Variants in RCN3 observed in about 807,000 individuals in gnomAD.
The protein encoded by RCN3 is reticulocalbin-3.
Under a neutral mutation model 35.9 loss-of-function variants are expected in RCN3, and 41 were observed. The ratio of observed to expected loss-of-function variants is 1.14; its 90% CI spans 0.89 to 1.48. The LOEUF (loss-of-function observed/expected upper bound fraction) is 1.48, where lower values mean the gene tolerates loss of function less well. RCN3 is among the 40% of genes most tolerant of loss of function. The pLI is 0.00. For missense variants in RCN3, 451 were observed against 471.3 expected (o/e 0.96, Z 0.40); for synonymous variants, 187 against 193.4 (o/e 0.97, Z 0.27).
chr19:49,542,795 ATTGC>A (rs370947088), intron 6 of RCN3, 43 bp downstream of exon 6: 2 of 1,520,378 alleles, frequency 1.3e-6, no homozygotes, highest in African/African-American at 2.7e-5. Context: ...GCGGGTGGGC[ATTGC>A]GGGCCAGACT....
chr19:49,534,055 C>G, intron 2 of RCN3, 138 bp from the exon 3 acceptor site: 1 of 881,002 alleles, frequency 1.1e-6, no homozygotes, highest in South Asian at 2.0e-5. Flanking sequence ...TTGACCCGCG[C>G]CCCTCCCCAG....
At chr19:49,531,473 T>C (rs1475899909) in intron 2 of RCN3, among the ~76,000 whole-genome samples, 4 of 152,128 alleles carry the variant, frequency 2.6e-5, no homozygotes, top group Non-Finnish European at 4.4e-5. Flanking sequence ...TTTTCTCCAA[T>C]TGAGAGTAGA....
chr19:49,533,819 G>T (rs1428762390), intron 2 of RCN3, among the ~76,000 whole-genome samples: 2 of 152,190 alleles, frequency 1.3e-5, no homozygotes, highest in African/African-American at 4.8e-5. Flanking sequence ...AAGGGTCACA[G>T]TGCGACGCCG....
At chr19:49,542,003 C>T (rs1014503255) in intron 5 of RCN3, among the ~76,000 whole-genome samples, 3 of 149,980 alleles carry the variant, frequency 2.0e-5, no homozygotes, top group Non-Finnish European at 4.4e-5. Flanking sequence ...GGGGTGGGGT[C>T]TTGCCCTGTT....
rs928149362 is a variant in RCN3, at chr19:49,534,399, C to T, written c.445+4C>T. ...ACCTATGGCCACTACGCGCCCGGTA[C>T]GCGGCGAGCCCCCGACCCTGCTCCC... On this transcript the variant is annotated splice_donor_region_variant and intron_variant, in intron 3 of 6. Transcript: ENST00000270645. The T allele has an allele frequency of 3.3e-6, 5 of 1,536,764 alleles. No individual in the cohort carries two copies. Among genetic ancestry groups the T allele is most frequent in the East Asian group, 2.5e-5 (1 of 40,102 alleles).
rs1568713628 is a variant in RCN3, at chr19:49,543,218, CGCGCACCT to C, written c.*8_*15del. The stretch of plus-strand genomic sequence containing the variant: ...CGGCACCACGATGAGCTGTGAGCAC[CGCGCACCT>C]GCCACAGCCTCAGAGGCCCGCACAA... On this transcript the variant is annotated 3_prime_UTR_variant, in exon 7 of 7. Transcript: ENST00000270645. 2 of 1,598,332 alleles carry C rather than the reference CGCGCACCT, an allele frequency of 1.3e-6. No homozygotes were observed.
intron 5 of RCN3, among the ~76,000 whole-genome samples, chr19:49,540,643 G>T (rs1273209486): frequency 1.3e-5 from 2 of 151,674 alleles, no homozygotes; most frequent in Non-Finnish European, 2.9e-5. Flanking sequence ...AAAAGATGGG[G>T]TCTTGCCCTG....
rs3187346 is a variant in RCN3 at position 49,543,108 on chromosome 19, T to C, written c.882T>C (p.Asp294=). The change falls in exon 7 of 7, where the codon GAT becomes GAC. Residue 294 remains aspartate, a splice_region_variant and synonymous_variant. Coordinates refer to ENST00000270645, the MANE Select transcript of RCN3 (RefSeq NM_020650.3). ...HLLHESDTDK[D]GRLSKAEILG... is the part of the protein sequence containing the mutation. ...CTGAACCCTGACCCTCCCTCCAGGATGGGCGGCTGAGCAAAGCGGAAATCC... is the reference window on the plus strand; with the variant it reads ...CTGAACCCTGACCCTCCCTCCAGGACGGGCGGCTGAGCAAAGCGGAAATCC... The C allele has an allele frequency of 0.08, 128,464 of 1,613,238 alleles. 6,092 individuals carry two copies. The highest frequency in any genetic ancestry group is 0.18 in the African/African-American group (13,727 of 74,906).
intron 3 of RCN3, 137 bp downstream of exon 3, chr19:49,534,532 A>G (rs1332678058): frequency 2.6e-6 from 2 of 780,328 alleles, no homozygotes; most frequent in Middle Eastern, 3.8e-4. Flanking sequence ...TTAGGAGCCC[A>G]TAACTGTGAG....
chr19:49,534,244 G>A lies in RCN3; in HGVS notation c.294G>A (p.Ser98=). 2 of 1,471,660 alleles carry A rather than the reference G, an allele frequency of 1.4e-6. No homozygotes were observed. Among genetic ancestry groups the A allele is most frequent in the African/African-American group, 1.5e-5 (1 of 68,114 alleles). 91.2% of individuals were successfully genotyped at this position (1,471,660 alleles called of 1,614,324 possible). A position where few individuals can be genotyped will look rare whatever the true frequency, so the allele number is the denominator to read the frequency against. Reference sequence around the variant, plus strand: ...CGGGGGACGGCGACGGCTGGGTGTCGCTGGCCGAGCTTCGCGCGTGGATCG... The same window carrying A: ...CGGGGGACGGCGACGGCTGGGTGTCACTGGCCGAGCTTCGCGCGTGGATCG... The part of the protein sequence containing the change: ...DRAGDGDGWV[S]LAELRAWIAH... Residue 98 remains serine (S), a synonymous_variant, in exon 3 of 7, where the codon TCG becomes TCA. Transcript: ENST00000270645.
At chr19:49,541,212 G>A (rs545584963) in intron 5 of RCN3, among the ~76,000 whole-genome samples, 62 of 151,886 alleles carry the variant, frequency 4.1e-4, no homozygotes, top group Non-Finnish European at 6.8e-4. Flanking sequence ...TTACAGGCGC[G>A]AACCACCGCA....
intron 2 of RCN3, among the ~76,000 whole-genome samples, chr19:49,530,887 C>T (rs2080105645): frequency 6.6e-6 from 1 of 152,280 alleles, no homozygotes; most frequent in South Asian, 2.1e-4. Context: ...GAGTGAATAG[C>T]ATTCCAGGCA....
intron 2 of RCN3, among the ~76,000 whole-genome samples, chr19:49,529,967 T>G (rs1432098382): frequency 7.6e-6 from 1 of 131,230 alleles, no homozygotes; most frequent in Non-Finnish European, 1.7e-5. Flanking sequence ...TGTTGTTGTT[T>G]TTGAGATGGA....
chr19:49,538,320 GCC>G (rs2080146942), intron 4 of RCN3, among the ~76,000 whole-genome samples: 1 of 150,082 alleles, frequency 6.7e-6, no homozygotes, highest in Non-Finnish European at 1.5e-5. Flanking sequence ...ATGCCGCCAT[GCC>G]CGGCTAATTT....
intron 2 of RCN3, among the ~76,000 whole-genome samples, chr19:49,531,848 T>G (rs576350764): frequency 9.2e-5 from 14 of 152,222 alleles, no homozygotes; most frequent in Non-Finnish European, 1.9e-4. Context: ...TCTCCCAGTC[T>G]GGAGTGCAGT....
chr19:49,534,435 G>A, intron 3 of RCN3, 40 bp downstream of exon 3: 1 of 1,527,852 alleles, frequency 6.5e-7, no homozygotes, highest in Non-Finnish European at 8.8e-7. Context: ...CATACACCGT[G>A]ACCCTGACCT....
intron 3 of RCN3, among the ~76,000 whole-genome samples, chr19:49,535,840 ACT>A (rs1486413430): frequency 6.9e-6 from 1 of 144,430 alleles, no homozygotes; most frequent in Non-Finnish European, 1.5e-5. Flanking sequence ...ACAGAGTGAG[ACT>A]CTGTCTCAAA....
chr19:49,534,415 C>A lies in RCN3; in HGVS notation c.445+20C>A. Reference sequence around the variant, plus strand: ...CGCCCGGTACGCGGCGAGCCCCCGACCCTGCTCCCCATACACCGTGACCCT... The same window carrying A: ...CGCCCGGTACGCGGCGAGCCCCCGAACCTGCTCCCCATACACCGTGACCCT... On this transcript the variant is annotated intron_variant, in intron 3 of 6. Transcript: ENST00000270645. 6.5e-7 allele frequency: 1 copy of A among 1,536,326 alleles called. No individual in the cohort carries two copies. Among genetic ancestry groups the A allele is most frequent in the African/African-American group, 1.4e-5 (1 of 72,128 alleles).
At chr19:49,532,988 T>C (rs907269510) in intron 2 of RCN3, among the ~76,000 whole-genome samples, 2 of 152,222 alleles carry the variant, frequency 1.3e-5, no homozygotes, top group Non-Finnish European at 2.9e-5. Context: ...TCCTAAGTGC[T>C]TTACATGGCC....
Sources: gnomAD v4.1 joint callset for allele counts (sites outside exome capture counted in the v4.1 genomes callset) on GRCh38, gnomAD v4.1.1 for gene constraint, MANE v1.5 for transcripts, NCBI Gene and HGNC (gene_info 2026-07-23, HGNC 2026-07-21) for gene names.